Variants in GOLGB1 observed in about 807,000 individuals in gnomAD.
GOLGB1 encodes the protein golgin subfamily B member 1.
Under a neutral mutation model 336.9 loss-of-function variants are expected in GOLGB1, and 174 were observed. The observed-to-expected ratio is 0.52, with a 90% CI of 0.46 to 0.59. GOLGB1 has a LOEUF of 0.59. Ranked by LOEUF, GOLGB1 falls within the 20% of genes least tolerant of loss-of-function variation. The pLI, the probability that GOLGB1 is intolerant of heterozygous loss-of-function variation, is 0.00. For missense variants in GOLGB1, 3,331 were observed against 3,645.3 expected (o/e 0.91, Z 2.22); for synonymous variants, 1,208 against 1,289.2 (o/e 0.94, Z 1.35).
intron 7 of GOLGB1, among the ~76,000 whole-genome samples, 198 bp downstream of exon 7, chr3:121,719,448 G>A (rs1387572745): frequency 6.6e-6 from 1 of 152,066 alleles, no homozygotes; most frequent in East Asian, 1.9e-4. Context: ...CCAACAACCT[G>A]ATTAGAGGGG....
chr3:121,690,384 AAATATAT>A (rs1419030716), intron 14 of GOLGB1, among the ~76,000 whole-genome samples: 1 of 152,180 alleles, frequency 6.6e-6, no homozygotes, highest in East Asian at 1.9e-4. Context: ...TGTGTATATA[AAATATAT>A]AAAACAGTTC....
At chr3:121,736,390 C>T (rs1946467448) in intron 1 of GOLGB1, among the ~76,000 whole-genome samples, 1 of 152,094 alleles carries the variant, frequency 6.6e-6, no homozygotes, top group African/African-American at 2.4e-5. Flanking sequence ...ATCATGTAAC[C>T]CCTGATATAA....
rs1018334511 is a variant in GOLGB1 at position 121,717,225 on chromosome 3, G to GA, written c.886-87dup. The GA allele has an allele frequency of 4.3e-5, 43 of 1,003,314 alleles. No homozygotes were observed. In the African/African-American group the frequency reaches 6.1e-4, roughly 14 times the overall value. The allele number at this position is 1,003,314 out of a possible 1,614,324, so 62.2% of individuals were successfully genotyped here. ...GTAAAGTGCTTTTTCTTATAGGATG[G>GA]AAAAAAATGGGAACATGTTTCTATG... On this transcript the variant is annotated intron_variant, in intron 8 of 21. Transcript: ENST00000614479.
chr3:121,683,912 G>A lies in GOLGB1; in HGVS notation c.8695-2047C>T, dbSNP rs1270593191. On this transcript the variant is annotated intron_variant, in intron 14 of 21. Transcript: ENST00000614479. ...TGGGGGGCCGAGGTGGGCAGATCAC[G>A]AGGTCAAGAGATCGAGACCATCCTG... Among the ~76,000 whole-genome samples, 6 of 151,864 alleles carry A rather than the reference G, an allele frequency of 4.0e-5. No individual in the cohort carries two copies. In the East Asian group the frequency reaches 9.7e-4, roughly 24 times the overall value.
chr3:121,688,879 C>T (rs1942086861), intron 14 of GOLGB1, among the ~76,000 whole-genome samples: 1 of 149,920 alleles, frequency 6.7e-6, no homozygotes. Context: ...CCAGCCGCCC[C>T]GTCTGAGAAG....
chr3:121,668,033 T>A (rs1381036010), intron 19 of GOLGB1, 28 bp downstream of exon 19: 7 of 1,253,456 alleles, frequency 5.6e-6, no homozygotes, highest in Non-Finnish European at 5.7e-6. Context: ...TGGTGTATGC[T>A]CCAGGGTTTA....
intron 8 of GOLGB1, among the ~76,000 whole-genome samples, chr3:121,717,435 GA>G (rs2108128913): frequency 6.6e-6 from 1 of 152,212 alleles, no homozygotes; most frequent in South Asian, 2.1e-4. Context: ...CCAAGGGGTA[GA>G]AAAAAGGTAG....
chr3:121,718,654 C>A (rs1013955063), intron 7 of GOLGB1, among the ~76,000 whole-genome samples, 153 bp from the exon 8 acceptor site: 1 of 152,144 alleles, frequency 6.6e-6, no homozygotes, highest in Non-Finnish European at 1.5e-5. Context: ...ATGCTCCCCC[C>A]ATCCAGCAGC....
intron 1 of GOLGB1, among the ~76,000 whole-genome samples, chr3:121,743,378 A>C (rs1223929600): frequency 1.3e-5 from 2 of 152,230 alleles, no homozygotes; most frequent in Non-Finnish European, 2.9e-5. Context: ...GAAATCAAAC[A>C]CCGCATGTTC....
rs778839292 is a variant in GOLGB1, at chr3:121,695,660, T to G, written c.4863A>C (p.Glu1621Asp). 4.3e-5 allele frequency: 70 copies of G among 1,613,170 alleles called. No homozygotes were observed. The highest frequency in any genetic ancestry group is 5.5e-5 in the Non-Finnish European group (65 of 1,180,018). The change falls in exon 13 of 22, where the codon GAA becomes GAC. Residue 1621 changes from glutamate (E) to aspartate (D), a missense_variant. Coordinates refer to ENST00000614479, the MANE Select transcript of GOLGB1 (RefSeq NM_001366282.2). ...EKHKELQKEY[E>D]ILLQSYENVS... is the part of the protein sequence containing the mutation. ...CATTCTCATAGGACTGCAGAAGAAT[T>G]TCATACTCTTTTTGTAGCTCCTTGT... is the stretch of plus-strand genomic sequence containing the variant.
chr3:121,682,855 A>G (rs1210467175), intron 14 of GOLGB1, among the ~76,000 whole-genome samples: 2 of 152,178 alleles, frequency 1.3e-5, no homozygotes, highest in African/African-American at 2.4e-5. Flanking sequence ...CTGACTTAAC[A>G]GATCTGAGAA....
intron 1 of GOLGB1, among the ~76,000 whole-genome samples, chr3:121,745,744 G>C (rs1947242936): frequency 1.3e-5 from 2 of 152,098 alleles, no homozygotes. Flanking sequence ...GCCAAGGCCA[G>C]GGATTCCATA....
In GOLGB1 at chr3:121,734,392, GA is replaced by G. The variant is rs34906801; in HGVS notation, c.-2-3420del. 5.0e-3 allele frequency among the ~76,000 whole-genome samples: 537 copies of G among 107,212 alleles called. 3 individuals are homozygous for G. The highest frequency in any genetic ancestry group is 7.3e-3 in the Non-Finnish European group (416 of 56,916). The allele number at this position is 107,212 out of a possible 152,430, so 70.3% of individuals were successfully genotyped here. ...GCAACAGAGCAAGACTCTGTCTCGG[GA>G]AAAAAAAAAAAAAAAAAACAAGTCA... On this transcript the variant is annotated intron_variant, in intron 1 of 21. Transcript: ENST00000614479.
At chr3:121,718,134 G>T (rs1944915102) in intron 8 of GOLGB1, among the ~76,000 whole-genome samples, 1 of 152,050 alleles carries the variant, frequency 6.6e-6, no homozygotes, top group Admixed American at 6.6e-5. Flanking sequence ...TAGGACCCTA[G>T]ATCTAAAATG....
intron 1 of GOLGB1, among the ~76,000 whole-genome samples, chr3:121,746,721 C>G (rs2108451709): frequency 6.6e-6 from 1 of 152,200 alleles, no homozygotes; most frequent in South Asian, 2.1e-4. Context: ...TCCAAGTGAT[C>G]CACTCGCCTT....
Position 121,694,784 on chromosome 3 carries a change from A to G in GOLGB1, c.5739T>C (p.Val1913=), listed in dbSNP as rs150898120. Reference sequence around the variant, plus strand: ...CTTCTGCTGTCTCCTTTAGTTTGGTAACTCTGGAGAGTTCTTCTTGGATTT... The same window carrying G: ...CTTCTGCTGTCTCCTTTAGTTTGGTGACTCTGGAGAGTTCTTCTTGGATTT... The part of the protein sequence containing the change: ...NQQIQEELSR[V]TKLKETAEEE... The change falls in exon 13 of 22, where the codon GTT becomes GTC. Residue 1913 remains valine, a synonymous_variant. Coordinates refer to ENST00000614479, the MANE Select transcript of GOLGB1 (RefSeq NM_001366282.2). 3.1e-6 allele frequency: 5 copies of G among 1,613,130 alleles called. No homozygotes were observed. The highest frequency in any genetic ancestry group is 1.7e-5 in the Admixed American group (1 of 60,008).
chr3:121,671,503 A>AC (rs1939530527), intron 17 of GOLGB1, among the ~76,000 whole-genome samples: 1 of 152,180 alleles, frequency 6.6e-6, no homozygotes, highest in African/African-American at 2.4e-5. Context: ...TACTTAAAAA[A>AC]TTTTTTAATT....
intron 17 of GOLGB1, among the ~76,000 whole-genome samples, 199 bp from the exon 18 acceptor site, chr3:121,669,554 T>C (rs899798564): frequency 1.3e-5 from 2 of 152,034 alleles, no homozygotes; most frequent in Non-Finnish European, 2.9e-5. Context: ...TCTGGAGGAG[T>C]AGCAGAAAGG....
chr3:121,666,867 G>A (rs1306210935), intron 20 of GOLGB1, among the ~76,000 whole-genome samples: 1 of 152,202 alleles, frequency 6.6e-6, no homozygotes, highest in Admixed American at 6.5e-5. Flanking sequence ...CTAGGGATGT[G>A]TAGCTCTGCC....
Sources: allele counts gnomAD v4.1 joint callset (sites outside exome capture counted in the v4.1 genomes callset), GRCh38; gene constraint gnomAD v4.1.1; transcripts MANE v1.5; gene names NCBI Gene and HGNC (gene_info 2026-07-23, HGNC 2026-07-21).